Variants in ADAM2 observed in about 807,000 individuals in gnomAD.
ADAM2 encodes disintegrin and metalloproteinase domain-containing protein 2.
ADAM2 carries 101 observed loss-of-function variants against 99.3 expected under a neutral mutation model. That is an observed-to-expected ratio of 1.02 (90% CI 0.87 to 1.20). The LOEUF is 1.20. ADAM2 is among the 50% of genes most tolerant of loss of function. The pLI is 0.00. For synonymous variants in ADAM2, 323 were observed against 287.6 expected (o/e 1.12, Z -1.25); for missense variants, 948 against 878.7 (o/e 1.08, Z -1.00).
Position 39,769,438 on chromosome 8 carries a change from T to TTACCACA in ADAM2, c.1159_1165dup (p.Asn389MetfsTer3), listed in dbSNP as rs1328722600. ...CTCCTCTCCTGCTTCCAGCTTTGCA[T>TTACCACA]TACCACACACTGCTTGCTGTTTGAA... On this transcript the variant is annotated stop_gained and frameshift_variant, in exon 12 of 21. Coordinates refer to ENST00000265708, the MANE Select transcript of ADAM2 (RefSeq NM_001464.5). LOFTEE classifies it high-confidence loss of function. The TTACCACA allele has an allele frequency of 1.9e-6, 3 of 1,613,954 alleles. No homozygotes were observed. In the African/African-American group the frequency reaches 4.0e-5, roughly 22 times the overall value.
At chr8:39,801,265 G>A (rs1384813291) in intron 7 of ADAM2, among the ~76,000 whole-genome samples, 1 of 152,080 alleles carries the variant, frequency 6.6e-6, no homozygotes, top group South Asian at 2.1e-4. Flanking sequence ...CAATAGTCAG[G>A]TCCCTCTTCT....
At chr8:39,749,571 G>A in intron 17 of ADAM2, 96 bp downstream of exon 17, 1 of 1,323,560 alleles carries the variant, frequency 7.6e-7, no homozygotes, top group Non-Finnish European at 1.0e-6. Context: ...TTTGGTGTGT[G>A]TGTGTGTGTG....
intron 11 of ADAM2, among the ~76,000 whole-genome samples, chr8:39,772,924 C>T (rs1000931604): frequency 1.3e-5 from 2 of 151,802 alleles, no homozygotes; most frequent in African/African-American, 4.8e-5. Context: ...CTACAGGCAT[C>T]TTAATTACTA....
chr8:39,768,957 A>T (rs1333442982), intron 12 of ADAM2, among the ~76,000 whole-genome samples: 2 of 152,204 alleles, frequency 1.3e-5, no homozygotes, highest in Non-Finnish European at 2.9e-5. Flanking sequence ...GTAGATTCTT[A>T]GTGTTCTTGT....
intron 7 of ADAM2, among the ~76,000 whole-genome samples, chr8:39,793,100 T>C (rs1803789079): frequency 6.6e-6 from 1 of 152,128 alleles, no homozygotes; most frequent in South Asian, 2.1e-4. Context: ...AGGCATTGGC[T>C]TAAATCTACA....
intron 19 of ADAM2, among the ~76,000 whole-genome samples, chr8:39,745,383 AAT>A (rs1209005852): frequency 6.6e-6 from 1 of 152,122 alleles, no homozygotes; most frequent in Non-Finnish European, 1.5e-5. Context: ...CAACTTTTAA[AAT>A]ATATTCCATT....
chr8:39,822,099 A>G (rs1219133213), intron 4 of ADAM2, among the ~76,000 whole-genome samples: 1 of 152,112 alleles, frequency 6.6e-6, no homozygotes, highest in East Asian at 1.9e-4. Flanking sequence ...AGTTTGTACC[A>G]CTTTCCAAAT....
chr8:39,811,086 T>A (rs1804673194), intron 6 of ADAM2, among the ~76,000 whole-genome samples: 1 of 151,582 alleles, frequency 6.6e-6, no homozygotes, highest in Non-Finnish European at 1.5e-5. Context: ...AAAGACACAA[T>A]AAAAAATGAT....
chr8:39,811,225 A>T (rs1175514322), intron 6 of ADAM2, among the ~76,000 whole-genome samples: 5 of 152,232 alleles, frequency 3.3e-5, no homozygotes, highest in Admixed American at 2.6e-4. Flanking sequence ...ACATCCTCCC[A>T]AGACTAAACC....
At chr8:39,817,131 AAAAT>A (rs1257651963) in intron 6 of ADAM2, among the ~76,000 whole-genome samples, 3 of 152,206 alleles carry the variant, frequency 2.0e-5, no homozygotes, top group African/African-American at 4.8e-5. Context: ...ATCCTTGAAA[AAAAT>A]AAATAGATTA....
At position 39,755,877 on chromosome 8, in the gene ADAM2, C is replaced by T. The variant is rs35935433; in HGVS notation, c.1648G>A (p.Val550Ile). ...GGAATTTGTAATAAAAATTTACCTA[C>T]ATATTTACATATTAATTTTCCGCAC... is the stretch of plus-strand genomic sequence containing the variant. ...LQCGKLICKY[V>I]GKFLLQIPRA... Residue 550 changes from valine (V) to isoleucine (I), a missense_variant, in exon 16 of 21, where the codon GTA (valine) becomes ATA (isoleucine). Physicochemically the swap from Val to Ile is conservative, Grantham distance 29. Transcript: ENST00000265708. 4.1e-5 allele frequency: 65 copies of T among 1,568,708 alleles called. No homozygotes were observed. Among genetic ancestry groups the T allele is most frequent in the Non-Finnish European group, 5.4e-5 (62 of 1,142,970 alleles).
intron 1 of ADAM2, 61 bp from the exon 2 acceptor site, chr8:39,837,273 G>A: frequency 2.5e-6 from 3 of 1,201,458 alleles, no homozygotes; most frequent in Non-Finnish European, 2.4e-6. Context: ...CGTGTTTTAT[G>A]AGTTTTTCAT....
chr8:39,825,511 CAGA>C (rs1189856499), intron 3 of ADAM2, among the ~76,000 whole-genome samples: 5 of 151,648 alleles, frequency 3.3e-5, no homozygotes, highest in African/African-American at 1.2e-4. Flanking sequence ...AAGCTAATCT[CAGA>C]AGATCAGAGC....
chr8:39,747,639 C>G (rs764784637), intron 18 of ADAM2, among the ~76,000 whole-genome samples: 1 of 152,062 alleles, frequency 6.6e-6, no homozygotes, highest in South Asian at 2.1e-4. Context: ...CTTTAAGAAA[C>G]TTGTGGAGAA....
chr8:39,748,495 AATTAAT>A (rs1422960329), intron 18 of ADAM2, among the ~76,000 whole-genome samples: 1 of 152,202 alleles, frequency 6.6e-6, no homozygotes, highest in Non-Finnish European at 1.5e-5. Context: ...CAGATACTGG[AATTAAT>A]AACTACCTAT....
At chr8:39,756,926 T>C (rs1802170997) in intron 15 of ADAM2, among the ~76,000 whole-genome samples, 1 of 152,196 alleles carries the variant, frequency 6.6e-6, no homozygotes. Context: ...GAAACAAACA[T>C]TGTCCAAGCC....
chr8:39,787,149 AT>A, intron 9 of ADAM2, 94 bp from the exon 10 acceptor site: 1 of 671,778 alleles, frequency 1.5e-6, no homozygotes, highest in Non-Finnish European at 2.5e-6. Flanking sequence ...AATCATTAAT[AT>A]TTACATCTAA....
intron 2 of ADAM2, among the ~76,000 whole-genome samples, chr8:39,834,732 CAAAAA>C (rs79431764): frequency 9.4e-5 from 5 of 52,960 alleles, no homozygotes; most frequent in Admixed American, 7.3e-4. Flanking sequence ...AAGACTCCAT[CAAAAA>C]AAAAAAAAAA....
chr8:39,781,293 ATGTG>A (rs370199280), intron 10 of ADAM2, among the ~76,000 whole-genome samples: 1 of 151,860 alleles, frequency 6.6e-6, no homozygotes, highest in Admixed American at 6.6e-5. Context: ...GTGTGTGCGC[ATGTG>A]TGTGTGTGTC....
Sources: allele counts gnomAD v4.1 joint callset (sites outside exome capture counted in the v4.1 genomes callset), GRCh38; gene constraint gnomAD v4.1.1; transcripts MANE v1.5; gene names NCBI Gene and HGNC (gene_info 2026-07-23, HGNC 2026-07-21).